Variants in TNC observed in about 807,000 individuals in gnomAD.
The protein encoded by TNC is tenascin.
Under a neutral mutation model 202.4 loss-of-function variants are expected in TNC, and 109 were observed. The ratio of observed to expected loss-of-function variants is 0.54; its 90% confidence interval spans 0.46 to 0.63. TNC has a LOEUF of 0.63. Among genes scored for constraint, TNC ranks in the 30% least tolerant of loss-of-function variants. The pLI, the probability that TNC is intolerant of heterozygous loss-of-function variation, is 0.00. For missense variants in TNC, 2,756 were observed against 2,833.3 expected, an observed-to-expected ratio of 0.97 and a Z score of 0.62; for synonymous variants, 1,007 against 1,089.7, an observed-to-expected ratio of 0.92 and a Z score of 1.50.
At chr9:115,113,495 G>A (rs1056364512) in intron 1 of TNC, among the ~76,000 whole-genome samples, 2 of 152,192 alleles carry the variant, frequency 1.3e-5, no homozygotes, top group Admixed American at 6.5e-5. Context: ...TCTCCTAGGA[G>A]AACATTTCAG....
chr9:115,111,959 G>A (rs1380885808), intron 1 of TNC, among the ~76,000 whole-genome samples: 2 of 152,174 alleles, frequency 1.3e-5, no homozygotes, highest in South Asian at 2.1e-4. Flanking sequence ...GAGAGACCAT[G>A]AGGCAGAAAA....
Position 115,023,996 on chromosome 9 carries a change from A to G in TNC, c.6472T>C (p.Tyr2158His), listed in dbSNP as rs759736228. ...ACCTGACTGTGGTTATTGTCCCCAT[A>G]TCTCCCCATCAGGTTGACACGGTGA... ...NCHRVNLMGR[Y>H]GDNNHSQGVN... The change falls in exon 27 of 28, where the codon TAT becomes CAT. Residue 2158 changes from tyrosine (Y) to histidine (H), a missense_variant. By Grantham distance (83) the Tyr-to-His change is moderately conservative. Around this residue, in one of 2 missense-constraint regions of TNC, gnomAD observed 197 missense variants for 287.3 expected, o/e 0.69. Transcript: ENST00000350763. The G allele has an allele frequency of 1.2e-6, 2 of 1,613,920 alleles. No individual in the cohort carries two copies. Among genetic ancestry groups the G allele is most frequent in the Admixed American group, 3.3e-5 (2 of 60,012 alleles).
Position 115,082,816 on chromosome 9 carries a change from A to G in TNC, c.2132-9T>C, listed in dbSNP as rs1339258933. On this transcript the variant is annotated splice_polypyrimidine_tract_variant and intron_variant, in intron 4 of 27. Transcript: ENST00000350763. ...TTCAGGTGCAGGTAAGTCTGTAAGT[A>G]ACAACATAAATAGAACGTAAGGATA... is the stretch of plus-strand genomic sequence containing the variant. The G allele has an allele frequency of 1.3e-6, 2 of 1,592,110 alleles. No individual in the cohort carries two copies. Among genetic ancestry groups the G allele is most frequent in the African/African-American group, 2.7e-5 (2 of 74,456 alleles).
At chr9:115,037,069 G>C (rs1830387217) in intron 20 of TNC, among the ~76,000 whole-genome samples, 1 of 152,162 alleles carries the variant, frequency 6.6e-6, no homozygotes, top group African/African-American at 2.4e-5. Context: ...AGAAGAGTTT[G>C]CTCACAGGGA....
rs1832683749 is a variant in TNC, at chr9:115,063,125, G to T, written c.3825C>A (p.Asn1275Lys). 6.2e-7 allele frequency: 1 copy of T among 1,614,204 alleles called. No homozygotes were observed. The highest frequency in any genetic ancestry group is 2.2e-5 in the East Asian group (1 of 44,882). The stretch of plus-strand genomic sequence containing the variant: ...CATAGGTTCCATCTGGCGTGGTCCA[G>T]TTCAGTCTGAGAGCATCCCAGCTAA... ...TEVSWDALRL[N>K]WTTPDGTYDQ... The change falls in exon 13 of 28, where the codon AAC (asparagine) becomes AAA (lysine). Residue 1275 changes from asparagine to lysine, a missense_variant. Transcript: ENST00000350763.
At chr9:115,022,156 A>C (rs891120829) in intron 27 of TNC, among the ~76,000 whole-genome samples, 1 of 152,214 alleles carries the variant, frequency 6.6e-6, no homozygotes, top group Non-Finnish European at 1.5e-5. Context: ...GTGAGATGGG[A>C]AAAAAATAGA....
In TNC at chr9:115,077,875, CATGGAGTGGG is replaced by C. The variant is rs1833996593; in HGVS notation, c.2674+58_2674+67del. On this transcript the variant is annotated intron_variant, in intron 7 of 27. Transcript: ENST00000350763. ...AAAATGAGCCTGGAAGATACCCCAA[CATGGAGTGGG>C]ATGGAAATCTTTCAATCTTTCCTTT... The C allele has an allele frequency of 2.0e-6, 3 of 1,519,746 alleles. No homozygotes were observed. In the South Asian group the frequency reaches 3.7e-5, roughly 19 times the overall value. The allele number at this position is 1,519,746 out of a possible 1,614,324, so 94.1% of individuals were successfully genotyped here.
chr9:115,112,089 G>A (rs1228946588), intron 1 of TNC, among the ~76,000 whole-genome samples: 8 of 152,098 alleles, frequency 5.3e-5, no homozygotes, highest in Non-Finnish European at 8.8e-5. Context: ...TCCTTGGCTC[G>A]GTCCGTGTGA....
intron 15 of TNC, among the ~76,000 whole-genome samples, chr9:115,051,561 C>A (rs1831665860): frequency 8.1e-6 from 1 of 123,892 alleles, no homozygotes; most frequent in African/African-American, 3.1e-5. Flanking sequence ...TCTGACAGTA[C>A]TGGTAAATGC....
At chr9:115,100,015 G>A (rs999697661) in intron 1 of TNC, among the ~76,000 whole-genome samples, 2 of 152,186 alleles carry the variant, frequency 1.3e-5, no homozygotes, top group African/African-American at 4.8e-5. Flanking sequence ...AATTAGCCTG[G>A]TGTGGGGCTC....
chr9:115,054,455 T>C (rs1395479417), intron 15 of TNC, among the ~76,000 whole-genome samples: 2 of 152,228 alleles, frequency 1.3e-5, no homozygotes, highest in Non-Finnish European at 2.9e-5. Flanking sequence ...TATTTCCCTA[T>C]ATTTTGCTGT....
intron 11 of TNC, 30 bp downstream of exon 11, chr9:115,064,617 A>G: frequency 6.4e-7 from 1 of 1,569,356 alleles, no homozygotes; most frequent in African/African-American, 1.4e-5. Flanking sequence ...TGGGAAAAAC[A>G]GAAGCTATAA....
intron 1 of TNC, among the ~76,000 whole-genome samples, chr9:115,101,827 TG>T (rs1215564417): frequency 1.3e-5 from 2 of 152,084 alleles, no homozygotes; most frequent in African/African-American, 4.8e-5. Context: ...GGGAAGTTCA[TG>T]GGGGGCTTCC....
chr9:115,051,971 T>C (rs1014943273), intron 15 of TNC, among the ~76,000 whole-genome samples: 20 of 151,938 alleles, frequency 1.3e-4, no homozygotes, highest in African/African-American at 4.6e-4. Context: ...TCATGAGTAA[T>C]GTATTGTAAC....
At chr9:115,048,565 T>G in intron 15 of TNC, 33 bp from the exon 16 acceptor site, 1 of 1,590,894 alleles carries the variant, frequency 6.3e-7, no homozygotes, top group Non-Finnish European at 8.5e-7. Flanking sequence ...ATAACTCAGG[T>G]TAGCAGCACT....
chr9:115,089,225 C>G lies in TNC; in HGVS notation c.457+1337G>C, dbSNP rs1835024391. On this transcript the variant is annotated intron_variant, in intron 2 of 27. Transcript: ENST00000350763. ...CCTGCAGAGCCGTAAGACTATTTCA[C>G]TTAGGGTGGTTAGGTTTACTCTTGA... Among the ~76,000 whole-genome samples the G allele has an allele frequency of 5.9e-5, 9 of 152,180 alleles. No homozygotes were observed. The South Asian group carries it at 1.9e-3, about 31-fold the overall frequency.
chr9:115,053,193 C>G (rs1015278710), intron 15 of TNC, among the ~76,000 whole-genome samples: 2 of 152,138 alleles, frequency 1.3e-5, no homozygotes, highest in Non-Finnish European at 2.9e-5. Flanking sequence ...AAATATATTG[C>G]TTTCTCTGCA....
intron 1 of TNC, among the ~76,000 whole-genome samples, chr9:115,107,970 T>C (rs1836741850): frequency 6.6e-6 from 1 of 152,160 alleles, no homozygotes; most frequent in Non-Finnish European, 1.5e-5. Context: ...AGGTGTACTG[T>C]TTGCAAACAC....
intron 25 of TNC, among the ~76,000 whole-genome samples, chr9:115,028,628 G>T (rs1339500697): frequency 6.6e-6 from 1 of 151,692 alleles, no homozygotes; most frequent in Non-Finnish European, 1.5e-5. Context: ...TCTGCCAATA[G>T]GAAAAAAAAT....
Sources: allele counts gnomAD v4.1 joint callset (sites outside exome capture counted in the v4.1 genomes callset), GRCh38; gene constraint gnomAD v4.1.1; regional missense constraint gnomAD v4.1.1; transcripts MANE v1.5; gene names NCBI Gene and HGNC (gene_info 2026-07-23, HGNC 2026-07-21).